The following CDH10 variants were observed in gnomAD, a reference collection of about 807,000 sequenced individuals.
CDH10 encodes the protein cadherin 10, also known as cadherin-10.
In CDH10, 30 loss-of-function variants were observed where a neutral mutation model predicts 73.1. The ratio of observed to expected loss-of-function variants is 0.41; its 90% CI spans 0.31 to 0.56. The LOEUF (loss-of-function observed/expected upper bound fraction) is 0.56, where lower values mean the gene tolerates loss of function less well. CDH10 is among the 20% of genes least tolerant of loss of function. The probability of loss-of-function intolerance (pLI) is 0.27; values close to 1 mark genes in which losing one functional copy is unlikely to be tolerated. For synonymous variants in CDH10, 345 were observed against 348.2 expected (o/e 0.99, Z 0.10); for missense variants, 815 against 973.7 (o/e 0.84, Z 2.17).
chr5:24,494,959 T>C lies in CDH10; in HGVS notation c.1516-2034A>G, dbSNP rs10473689. ...ACATCCTTTACAAGATAATAGGTTT[T>C]TTTTTCCTTTAAGACATTACTTCTA... On this transcript the variant is annotated intron_variant, in intron 9 of 11. Coordinates refer to ENST00000264463, the MANE Select transcript of CDH10 (RefSeq NM_006727.5). Among the ~76,000 whole-genome samples the C allele has an allele frequency of 9.5e-3, 1,447 of 152,268 alleles. 31 individuals are homozygous for C. The highest frequency in any genetic ancestry group is 0.033 in the African/African-American group (1,369 of 41,568).
intron 1 of CDH10, among the ~76,000 whole-genome samples, chr5:24,636,729 C>G (rs998030142): frequency 6.6e-6 from 1 of 151,756 alleles, no homozygotes. Context: ...ATACATTTGG[C>G]CTCCTGATAC....
At chr5:24,577,588 A>G (rs933437086) in intron 2 of CDH10, among the ~76,000 whole-genome samples, 23 of 141,998 alleles carry the variant, frequency 1.6e-4, no homozygotes, top group African/African-American at 5.6e-4. Flanking sequence ...AATTAAGAAT[A>G]TAGAATTTAT....
Position 24,629,606 on chromosome 5 carries a change from G to A in CDH10, c.-124+14988C>T, listed in dbSNP as rs1420883702. Among the ~76,000 whole-genome samples, 3 of 151,970 alleles carry A rather than the reference G, an allele frequency of 2.0e-5. No homozygotes were observed. In the East Asian group the frequency reaches 5.8e-4, roughly 29 times the overall value. ...CCAGGTGTTGAGGAAGGGGCCTGGT[G>A]GGAGGTGACTGGATCATGGGGACAG... On this transcript the variant is annotated intron_variant, in intron 1 of 11. Coordinates refer to ENST00000264463, the MANE Select transcript of CDH10 (RefSeq NM_006727.5).
At chr5:24,633,028 A>G (rs1426834827) in intron 1 of CDH10, among the ~76,000 whole-genome samples, 2 of 151,862 alleles carry the variant, frequency 1.3e-5, no homozygotes, top group African/African-American at 2.4e-5. Context: ...GTAGGGAAAA[A>G]TTTTGTGCTT....
intron 5 of CDH10, among the ~76,000 whole-genome samples, chr5:24,522,976 AAAG>A (rs1198813370): frequency 5.8e-4 from 88 of 152,278 alleles, no homozygotes; most frequent in Non-Finnish European, 1.1e-3. Flanking sequence ...ACAGAAAGCC[AAAG>A]AAGGAGGTTG....
chr5:24,601,619 G>T (rs1031262441), intron 1 of CDH10, among the ~76,000 whole-genome samples: 1 of 151,952 alleles, frequency 6.6e-6, no homozygotes, highest in Non-Finnish European at 1.5e-5. Flanking sequence ...AAATGTGTGG[G>T]ATATCTAAAT....
chr5:24,630,262 A>C (rs1343216620), intron 1 of CDH10, among the ~76,000 whole-genome samples: 1 of 152,078 alleles, frequency 6.6e-6, no homozygotes, highest in Non-Finnish European at 1.5e-5. Flanking sequence ...GAATATTTTA[A>C]GGAGGCCACA....
chr5:24,538,157 G>T (rs1245060245), intron 2 of CDH10, among the ~76,000 whole-genome samples: 1 of 151,992 alleles, frequency 6.6e-6, no homozygotes, highest in Non-Finnish European at 1.5e-5. Context: ...CAAAGCTGTA[G>T]GAGACAAAGT....
chr5:24,596,670 ATTTCAACC>A, intron 1 of CDH10, among the ~76,000 whole-genome samples: 1 of 152,040 alleles, frequency 6.6e-6, no homozygotes, highest in South Asian at 2.1e-4. Context: ...AGTTGTTTTA[ATTTCAACC>A]CTGATATGTA....
chr5:24,553,851 G>T, intron 2 of CDH10, among the ~76,000 whole-genome samples: 1 of 151,874 alleles, frequency 6.6e-6, no homozygotes, highest in Non-Finnish European at 1.5e-5. Context: ...TTTGAGGTTG[G>T]GTGGGGCAAG....
At chr5:24,540,586 G>A (rs1237637503) in intron 2 of CDH10, among the ~76,000 whole-genome samples, 1 of 151,896 alleles carries the variant, frequency 6.6e-6, no homozygotes, top group Non-Finnish European at 1.5e-5. Flanking sequence ...CTGTGGTTTT[G>A]AGAATCAGAA....
At chr5:24,501,842 T>C (rs1047385177) in intron 8 of CDH10, among the ~76,000 whole-genome samples, 1 of 152,156 alleles carries the variant, frequency 6.6e-6, no homozygotes, top group Non-Finnish European at 1.5e-5. Context: ...TTGGTGTCTA[T>C]AACAAATATG....
chr5:24,491,952 C>A, intron 10 of CDH10, 125 bp from the exon 11 acceptor site: 1 of 599,112 alleles, frequency 1.7e-6, no homozygotes, highest in Non-Finnish European at 2.8e-6. Context: ...ATACATTTTC[C>A]TAAAAAACAA....
At chr5:24,534,699 T>G (rs533136736) in intron 5 of CDH10, among the ~76,000 whole-genome samples, 1 of 152,128 alleles carries the variant, frequency 6.6e-6, no homozygotes, top group Non-Finnish European at 1.5e-5. Context: ...ATTAGATTTT[T>G]TGTCGAAAAA....
chr5:24,498,060 C>T lies in CDH10; in HGVS notation c.1515+338G>A, dbSNP rs1742356049. The stretch of plus-strand genomic sequence containing the variant: ...CGTCTCTCATCTCTCTAGCAGGTAC[C>T]AGTATTTATTTAATGACACAGCAGG... On this transcript the variant is annotated intron_variant, in intron 9 of 11. Transcript: ENST00000264463. Among the ~76,000 whole-genome samples the T allele has an allele frequency of 2.0e-5, 3 of 152,244 alleles. No homozygotes were observed. The South Asian group carries it at 6.2e-4, about 32-fold the overall frequency.
intron 9 of CDH10, among the ~76,000 whole-genome samples, chr5:24,494,930 A>T (rs1215368239): frequency 6.6e-6 from 1 of 152,148 alleles, no homozygotes; most frequent in Non-Finnish European, 1.5e-5. Flanking sequence ...AGATGGAGGC[A>T]CTTACATCCT....
At chr5:24,551,131 T>G (rs2111951520) in intron 2 of CDH10, among the ~76,000 whole-genome samples, 1 of 152,304 alleles carries the variant, frequency 6.6e-6, no homozygotes, top group South Asian at 2.1e-4. Flanking sequence ...TTTTCCATTC[T>G]TAAGCCATAT....
At position 24,549,965 on chromosome 5, in the gene CDH10, C is replaced by T. The variant is rs538153057; in HGVS notation, c.232-12291G>A. 2.6e-5 allele frequency among the ~76,000 whole-genome samples: 4 copies of T among 152,160 alleles called. No homozygotes were observed. In the South Asian group the frequency reaches 8.3e-4, roughly 32 times the overall value. On this transcript the variant is annotated intron_variant, in intron 2 of 11. Coordinates refer to ENST00000264463, the MANE Select transcript of CDH10 (RefSeq NM_006727.5). Reference sequence around the variant, plus strand: ...AATAAGTATATTTTTGGACAAAAACCAGGGAATTTATCCCAACAGGCATTC... The same window carrying T: ...AATAAGTATATTTTTGGACAAAAACTAGGGAATTTATCCCAACAGGCATTC...
At chr5:24,641,023 C>T (rs184087855) in intron 1 of CDH10, among the ~76,000 whole-genome samples, 54 of 152,060 alleles carry the variant, frequency 3.6e-4, no homozygotes, top group African/African-American at 1.2e-3. Context: ...AAGAATAATA[C>T]ATTCCCAGAA....
Sources: gnomAD v4.1 joint callset for allele counts (sites outside exome capture counted in the v4.1 genomes callset) on GRCh38, gnomAD v4.1.1 for gene constraint, MANE v1.5 for transcripts, NCBI Gene and HGNC (gene_info 2026-07-23, HGNC 2026-07-21) for gene names.